CA5A: variants seen among roughly 807,000 people sequenced by gnomAD.
CA5A encodes the protein carbonic anhydrase 5A, also known as carbonic anhydrase 5A, mitochondrial.
In CA5A, 28 loss-of-function variants were observed where a neutral mutation model predicts 37.1. The observed-to-expected ratio is 0.75, with a 90% CI of 0.56 to 1.03. The LOEUF is 1.03. Among genes scored for constraint, CA5A ranks in the 50% least tolerant of loss-of-function variants. The probability of loss-of-function intolerance (pLI) is 0.00; values close to 1 mark genes in which losing one functional copy is unlikely to be tolerated. For synonymous variants in CA5A, 171 were observed against 158.4 expected (o/e 1.08, Z -0.60); for missense variants, 444 against 399.9 (o/e 1.11, Z -0.94).
chr16:87,923,847 A>T (rs1567534053), intron 2 of CA5A: 13 of 984,790 alleles, frequency 1.3e-5, no homozygotes, highest in Non-Finnish European at 1.4e-5. Flanking sequence ...TATCCATGAC[A>T]ACTATTGTTC....
At chr16:87,916,087 G>A (rs1226082032) in intron 2 of CA5A, among the ~76,000 whole-genome samples, 2 of 149,660 alleles carry the variant, frequency 1.3e-5, no homozygotes, top group Non-Finnish European at 1.5e-5. Flanking sequence ...AGAATGGCGT[G>A]AACCCGGGAG....
intron 5 of CA5A, among the ~76,000 whole-genome samples, chr16:87,892,532 A>G (rs2055733137): frequency 9.3e-6 from 1 of 107,442 alleles, no homozygotes; most frequent in South Asian, 2.9e-4. Context: ...TAATAATAAT[A>G]ATAATAATAA....
At chr16:87,901,863 A>G (rs746028026) in intron 5 of CA5A, 49 bp downstream of exon 5, 2 of 1,524,030 alleles carry the variant, frequency 1.3e-6, no homozygotes, top group Non-Finnish European at 1.8e-6. Context: ...CTGGGATTAC[A>G]GGCGTGAGCC....
In CA5A at chr16:87,917,928, T is replaced by A. The variant is rs79542397; in HGVS notation, c.340+8820A>T. ...TCACTTTCCCAGGATATAAGCGTGA[T>A]GCTCACATCGTTTCCTCTCAGTCCA... On this transcript the variant is annotated intron_variant, in intron 2 of 6. Transcript: ENST00000649794. 6.4e-3 allele frequency among the ~76,000 whole-genome samples: 978 copies of A among 152,354 alleles called. 5 individuals are homozygous for A. Among genetic ancestry groups the A allele is most frequent in the Non-Finnish European group, 0.011 (774 of 68,040 alleles).
At chr16:87,885,570 C>G (rs891797995), downstream of CA5A, 1 of 152,716 alleles carries the variant, frequency 6.5e-6, no homozygotes, top group Admixed American at 6.5e-5. Flanking sequence ...CTTGAAAATG[C>G]CCTTTGCTCA....
At chr16:87,902,358 A>G (rs1490611258) in intron 4 of CA5A, 67 bp downstream of exon 4, 8 of 1,003,912 alleles carry the variant, frequency 8.0e-6, no homozygotes, top group Non-Finnish European at 1.3e-5. Flanking sequence ...GTCTCAAAAA[A>G]AAAAAAGCAA....
chr16:87,915,552 T>G (rs1430600025), intron 2 of CA5A, among the ~76,000 whole-genome samples: 2 of 138,364 alleles, frequency 1.4e-5, no homozygotes, highest in African/African-American at 5.9e-5. Context: ...TTTTTTTTTT[T>G]GTGGCTCACA....
At chr16:87,889,893 A>C (rs1173169801) in intron 6 of CA5A, among the ~76,000 whole-genome samples, 1 of 152,244 alleles carries the variant, frequency 6.6e-6, no homozygotes, top group African/African-American at 2.4e-5. Flanking sequence ...CAGAAGTGAG[A>C]TTATGTCTAC....
Position 87,936,360 on chromosome 16 carries a change from C to T in CA5A, c.91G>A (p.Gly31Arg), listed in dbSNP as rs760398095. 2 of 1,614,066 alleles carry T rather than the reference C, an allele frequency of 1.2e-6. No homozygotes were observed. Among genetic ancestry groups the T allele is most frequent in the Non-Finnish European group, 1.7e-6 (2 of 1,179,984 alleles). Residue 31 changes from glycine (G) to arginine (R), a missense_variant, in exon 1 of 7, where the codon GGG (glycine) becomes AGG (arginine). Transcript: ENST00000649794. ...APLWSRSMRP[G>R]RWCSQRSCAW... ...CAGGAACGCTGAGAACACCATCGCC[C>T]TGGCCTCATCGAACGACTCCAGAGA...
At chr16:87,920,868 A>G (rs191634892) in intron 2 of CA5A, among the ~76,000 whole-genome samples, 2 of 152,082 alleles carry the variant, frequency 1.3e-5, no homozygotes, top group African/African-American at 4.8e-5. Flanking sequence ...ATCTCGGCTG[A>G]CCGCAACCTC....
intron 2 of CA5A, among the ~76,000 whole-genome samples, chr16:87,922,085 T>C (rs2056238441): frequency 6.6e-6 from 1 of 152,064 alleles, no homozygotes; most frequent in Admixed American, 6.6e-5. Flanking sequence ...CCTCCCACCT[T>C]GGCCTATCAC....
At chr16:87,920,256 T>C (rs1314256608) in intron 2 of CA5A, among the ~76,000 whole-genome samples, 1 of 152,226 alleles carries the variant, frequency 6.6e-6, no homozygotes, top group African/African-American at 2.4e-5. Flanking sequence ...ATCCTCCTGC[T>C]CCCTCCCTTC....
At chr16:87,920,857 G>T (rs1468967124) in intron 2 of CA5A, among the ~76,000 whole-genome samples, 1 of 151,958 alleles carries the variant, frequency 6.6e-6, no homozygotes, top group Non-Finnish European at 1.5e-5. Context: ...GCAATGGCAC[G>T]ATCTCGGCTG....
rs534860826 is a variant in CA5A at position 87,902,437 on chromosome 16, G to A, written c.543C>T (p.Gly181=). 2.0e-4 allele frequency: 315 copies of A among 1,606,498 alleles called. 2 individuals carry two copies. The highest frequency in any genetic ancestry group is 1.5e-3 in the South Asian group (138 of 90,890). Residue 181 remains glycine (G), a synonymous_variant, in exon 4 of 7, where the codon GGC becomes GGT. Coordinates refer to ENST00000649794, the MANE Select transcript of CA5A (RefSeq NM_001739.2). ...AGCAAGTGATTACCTTTAAAAACAC[G>A]CCTATCACAGCCAAACCATTCTCTC... ...VVGENGLAVI[G]VFLKLGAHHQ...
intron 6 of CA5A, among the ~76,000 whole-genome samples, chr16:87,889,981 G>A (rs1446392894): frequency 6.6e-6 from 1 of 152,154 alleles, no homozygotes; most frequent in Admixed American, 6.5e-5. Flanking sequence ...GGTGCACGTG[G>A]CCTCCTGGGC....
rs1397761638 is a variant in CA5A at position 87,888,135 on chromosome 16, C to A, written c.912G>T (p.Arg304Ser). The A allele has an allele frequency of 2.5e-6, 4 of 1,612,594 alleles. No individual in the cohort carries two copies. Among genetic ancestry groups the A allele is most frequent in the Admixed American group, 1.7e-5 (1 of 59,804 alleles). The change falls in exon 7 of 7, where the codon AGG becomes AGT. Residue 304 changes from arginine (R) to serine (S), a missense_variant. Arg to Ser is a moderately radical substitution (Grantham distance 110). Coordinates refer to ENST00000649794, the MANE Select transcript of CA5A (RefSeq NM_001739.2). ...TCATGTGGACCTAATGTCTCTAGGA[C>A]CTTGTGCCCTCATTAGTGGCCTGGA... Reference protein sequence around the residue: ...ASFQATNEGTRS With the variant: ...ASFQATNEGTSS
chr16:87,881,843 A>G (rs1225906414), exon 5 of CA5A: 1 of 152,106 alleles, frequency 6.6e-6, no homozygotes, highest in Non-Finnish European at 1.5e-5. Flanking sequence ...GCTTCCCGGG[A>G]GTATCTCCGT....
At chr16:87,931,271 C>T (rs2056400236) in intron 1 of CA5A, among the ~76,000 whole-genome samples, 2 of 151,700 alleles carry the variant, frequency 1.3e-5, no homozygotes, top group Admixed American at 1.3e-4. Context: ...ACCACCACGC[C>T]CGGCTACTTT....
chr16:87,889,875 A>G (rs2055688837), intron 6 of CA5A, among the ~76,000 whole-genome samples: 1 of 152,244 alleles, frequency 6.6e-6, no homozygotes, highest in Non-Finnish European at 1.5e-5. Context: ...CACGCATTTG[A>G]TTACATTCAG....
Sources: gnomAD v4.1 joint callset for allele counts (sites outside exome capture counted in the v4.1 genomes callset) on GRCh38, gnomAD v4.1.1 for gene constraint, MANE v1.5 for transcripts, NCBI Gene and HGNC (gene_info 2026-07-23, HGNC 2026-07-21) for gene names.